SLC16A7: variants seen among roughly 807,000 people sequenced by gnomAD.
SLC16A7 encodes the protein solute carrier family 16 member 7, also known as monocarboxylate transporter 2.
SLC16A7 carries 33 observed loss-of-function variants against 34.9 expected under a neutral mutation model. That is an observed-to-expected ratio of 0.94 (90% CI 0.72 to 1.26). The LOEUF (loss-of-function observed/expected upper bound fraction) is 1.26. SLC16A7 is among the 50% of genes most tolerant of loss of function. SLC16A7 has a pLI of 0.00. For synonymous variants in SLC16A7, 201 were observed against 206.6 expected, an observed-to-expected ratio of 0.97 and a Z score of 0.23; for missense variants, 573 against 578.1, an observed-to-expected ratio of 0.99 and a Z score of 0.09.
chr12:59,755,532 A>C (rs1880208191), intron 3 of SLC16A7, among the ~76,000 whole-genome samples: 1 of 152,222 alleles, frequency 6.6e-6, no homozygotes. Flanking sequence ...TAAAATACCT[A>C]GGAATCCACC....
intron 3 of SLC16A7, chr12:59,768,058 G>A (rs139829485): frequency 0.02 from 8,489 of 417,754 alleles, 145 homozygotes; most frequent in Middle Eastern, 0.036. Context: ...AAACCTGCAC[G>A]TTGTGCACAT....
intron 3 of SLC16A7, among the ~76,000 whole-genome samples, chr12:59,712,655 G>T (rs1874372881): frequency 6.6e-6 from 1 of 152,198 alleles, no homozygotes; most frequent in Admixed American, 6.5e-5. Context: ...TTCAGATGAG[G>T]TGGTTATAGG....
At chr12:59,756,554 G>A (rs1469964922) in intron 3 of SLC16A7, among the ~76,000 whole-genome samples, 2 of 151,984 alleles carry the variant, frequency 1.3e-5, no homozygotes, top group African/African-American at 4.8e-5. Context: ...AAACCACAAT[G>A]AGATACCATC....
chr12:59,621,629 T>G (rs139035958), intron 1 of SLC16A7, among the ~76,000 whole-genome samples: 1 of 151,924 alleles, frequency 6.6e-6, no homozygotes, highest in Non-Finnish European at 1.5e-5. Flanking sequence ...TTATGTGGTA[T>G]GAACATAGTT....
chr12:59,704,958 A>G lies in SLC16A7; in HGVS notation c.157A>G (p.Thr53Ala). 6.2e-7 allele frequency: 1 copy of G among 1,613,762 alleles called. No individual in the cohort carries two copies. Among genetic ancestry groups the G allele is most frequent in the Non-Finnish European group, 8.5e-7 (1 of 1,179,718 alleles). ...CAAAGAAATTCAGCAAATATTCCAC[A>G]CTACCTACAGTGAAATAGCATGGAT... ...FFKEIQQIFH[T>A]TYSEIAWISS... Residue 53 changes from threonine (T) to alanine (A), a missense_variant, in exon 3 of 6, where the codon ACT becomes GCT. Thr to Ala is a moderately conservative substitution (Grantham distance 58, BLOSUM62 0). Coordinates refer to ENST00000547379, the MANE Select transcript of SLC16A7 (RefSeq NM_001270623.2).
In SLC16A7 at chr12:59,781,793, C is replaced by T. The variant is rs1447712418; in HGVS notation, c.*2114C>T. 6.6e-6 allele frequency: 1 copy of T among 152,160 alleles called. No individual in the cohort carries two copies. The highest frequency in any genetic ancestry group is 2.4e-5 in the African/African-American group (1 of 41,394). The allele number at this position is 152,160 out of a possible 1,614,324, so 9.4% of individuals were successfully genotyped here. ...ATTTTCAAAAAAAAATTCTACTTTC[C>T]AAAAAGTGTCTTGAATTCTCTGAAA... On this transcript the variant is annotated 3_prime_UTR_variant, in exon 6 of 6. Coordinates refer to ENST00000547379, the MANE Select transcript of SLC16A7 (RefSeq NM_001270623.2).
chr12:59,703,888 A>G (rs1873182502), intron 2 of SLC16A7, among the ~76,000 whole-genome samples: 1 of 152,030 alleles, frequency 6.6e-6, no homozygotes, highest in African/African-American at 2.4e-5. Context: ...TACACCTTAA[A>G]TATATAATTT....
intron 2 of SLC16A7, among the ~76,000 whole-genome samples, chr12:59,672,042 G>GTA (rs1565641262): frequency 0.054 from 3 of 56 alleles, 1 homozygote; most frequent in African/African-American, 0.065. Context: ...GCATATATCC[G>GTA]TATATATGTG....
intron 3 of SLC16A7, among the ~76,000 whole-genome samples, chr12:59,760,945 G>A (rs1053947616): frequency 3.3e-5 from 5 of 152,068 alleles, no homozygotes; most frequent in African/African-American, 4.8e-5. Flanking sequence ...TTGGTTAATC[G>A]TTTCATTGTT....
chr12:59,631,475 T>C (rs143864084), intron 1 of SLC16A7, among the ~76,000 whole-genome samples: 12 of 152,118 alleles, frequency 7.9e-5, no homozygotes, highest in African/African-American at 2.9e-4. Context: ...CTGTTAGCTA[T>C]TATTATATAT....
intron 3 of SLC16A7, among the ~76,000 whole-genome samples, chr12:59,728,602 A>G (rs1876569154): frequency 1.3e-5 from 2 of 152,178 alleles, no homozygotes; most frequent in African/African-American, 2.4e-5. Context: ...GAGCATGGCT[A>G]TAGTCCTAGC....
intron 3 of SLC16A7, among the ~76,000 whole-genome samples, chr12:59,706,341 A>T (rs954377932): frequency 1.3e-5 from 2 of 150,352 alleles, no homozygotes; most frequent in Non-Finnish European, 3.0e-5. Flanking sequence ...GAAGGTAAAC[A>T]GTTGATCCTG....
chr12:59,780,614 A>T lies in SLC16A7; in HGVS notation c.*935A>T, dbSNP rs1384166490. On this transcript the variant is annotated 3_prime_UTR_variant, in exon 6 of 6. Transcript: ENST00000547379. ...ATTTTAGTTCGTAATCCAGAAAGTA[A>T]TAATCAGGGATTTTATTTTAATCAG... 6.6e-6 allele frequency: 1 copy of T among 152,172 alleles called. No individual in the cohort carries two copies. The highest frequency in any genetic ancestry group is 1.5e-5 in the Non-Finnish European group (1 of 68,020). The allele number at this position is 152,172 out of a possible 1,614,324, so 9.4% of individuals were successfully genotyped here. A position where few individuals can be genotyped will look rare whatever the true frequency, so the allele number is the denominator to read the frequency against.
chr12:59,663,975 A>G (rs1199131723), intron 2 of SLC16A7, among the ~76,000 whole-genome samples: 1 of 152,066 alleles, frequency 6.6e-6, no homozygotes, highest in African/African-American at 2.4e-5. Flanking sequence ...TATCTTTCAC[A>G]TAGGAAATCA....
At position 59,780,589 on chromosome 12, in the gene SLC16A7, AT is replaced by A. The variant is rs891474304; in HGVS notation, c.*914del. Reference sequence around the variant, plus strand: ...AGTCACATCCATTGATTTTACAGGGATTTTAGTTCGTAATCCAGAAAGTAAT... The same window carrying A: ...AGTCACATCCATTGATTTTACAGGGATTTAGTTCGTAATCCAGAAAGTAAT... On this transcript the variant is annotated 3_prime_UTR_variant, in exon 6 of 6. Transcript: ENST00000547379. The A allele has an allele frequency of 2.0e-5, 3 of 152,106 alleles. No individual in the cohort carries two copies. The highest frequency in any genetic ancestry group is 1.3e-4 in the Admixed American group (2 of 15,228). 9.4% of individuals were successfully genotyped at this position (152,106 alleles called of 1,614,324 possible).
intron 2 of SLC16A7, among the ~76,000 whole-genome samples, chr12:59,685,900 C>G (rs1871120300): frequency 6.6e-6 from 1 of 151,726 alleles, no homozygotes. Flanking sequence ...TAAACATATA[C>G]CAGATTCTCT....
chr12:59,672,917 A>C (rs1870008513), intron 2 of SLC16A7, among the ~76,000 whole-genome samples: 1 of 152,142 alleles, frequency 6.6e-6, no homozygotes, highest in African/African-American at 2.4e-5. Flanking sequence ...CTCTCTTTCA[A>C]GATAGTTCTG....
intron 2 of SLC16A7, among the ~76,000 whole-genome samples, chr12:59,661,841 T>A (rs539253797): frequency 3.9e-5 from 6 of 152,234 alleles, no homozygotes; most frequent in African/African-American, 1.4e-4. Flanking sequence ...CTTATCAAGG[T>A]TAAAAGTGTT....
At position 59,781,968 on chromosome 12, in the gene SLC16A7, C is replaced by T. The variant is rs1352585839; in HGVS notation, c.*2289C>T. 1 of 152,162 alleles carries T rather than the reference C, an allele frequency of 6.6e-6. No homozygotes were observed. The highest frequency in any genetic ancestry group is 2.4e-5 in the African/African-American group (1 of 41,442). 9.4% of individuals were successfully genotyped at this position (152,162 alleles called of 1,614,324 possible). On this transcript the variant is annotated 3_prime_UTR_variant, in exon 6 of 6. Transcript: ENST00000547379. ...CTCCTGGGTGCATTTCAGTGGCCTTCTCCAGGGAGGAGGTTTATTTACTTA... is the reference window on the plus strand; with the variant it reads ...CTCCTGGGTGCATTTCAGTGGCCTTTTCCAGGGAGGAGGTTTATTTACTTA...
Sources: gnomAD v4.1 joint callset for allele counts (sites outside exome capture counted in the v4.1 genomes callset) on GRCh38, gnomAD v4.1.1 for gene constraint, MANE v1.5 for transcripts, NCBI Gene and HGNC (gene_info 2026-07-23, HGNC 2026-07-21) for gene names.